The following PTPRS variants were observed in gnomAD, a reference collection of about 807,000 sequenced individuals.
PTPRS encodes the protein receptor-type tyrosine-protein phosphatase S.
In PTPRS, 63 loss-of-function variants were observed where a neutral mutation model predicts 215.3. That is an observed-to-expected ratio of 0.29 (90% confidence interval 0.24 to 0.36). The LOEUF (loss-of-function observed/expected upper bound fraction) is 0.36, where lower values mean the gene tolerates loss of function less well. Among genes scored for constraint, PTPRS ranks in the 10% least tolerant of loss-of-function variants. The probability of loss-of-function intolerance (pLI) is 1.00; values close to 1 mark genes in which losing one functional copy is unlikely to be tolerated. For synonymous variants in PTPRS, 1,404 were observed against 1,191.4 expected (o/e 1.18, Z -3.68); for missense variants, 2,258 against 2,825.8 (o/e 0.80, Z 4.56).
intron 1 of PTPRS, among the ~76,000 whole-genome samples, chr19:5,305,970 A>AAAAAAG (rs2049479386): frequency 2.1e-5 from 3 of 140,326 alleles, no homozygotes; most frequent in African/African-American, 5.1e-5. Flanking sequence ...AAAAAAAAAA[A>AAAAAAG]GGGCGAATTC....
chr19:5,272,043 G>C (rs2046955423), intron 4 of PTPRS, among the ~76,000 whole-genome samples: 1 of 152,032 alleles, frequency 6.6e-6, no homozygotes, highest in African/African-American at 2.4e-5. Flanking sequence ...TTAGAGATGA[G>C]AAAATTGCAG....
rs2147047459 is a variant in PTPRS at position 5,294,772 on chromosome 19, G to A, written c.-94-8538C>T. Reference sequence around the variant, plus strand: ...CCCATCTCCAACAATAGGTGGCCTAGTCCACAAAGCACCATGCACAGTAGG... The same window carrying A: ...CCCATCTCCAACAATAGGTGGCCTAATCCACAAAGCACCATGCACAGTAGG... On this transcript the variant is annotated intron_variant, in intron 1 of 37. Coordinates refer to ENST00000262963, the MANE Select transcript of PTPRS (RefSeq NM_002850.4). The surrounding 1 kb of genome is among the most constrained non-coding windows in gnomAD (Gnocchi z 5.1). The A allele has an allele frequency of 6.6e-6, 1 of 152,418 alleles. No individual in the cohort carries two copies. Among genetic ancestry groups the A allele is most frequent in the East Asian group, 1.9e-4 (1 of 5,184 alleles). 9.4% of individuals were successfully genotyped at this position (152,418 alleles called of 1,614,324 possible).
Position 5,219,838 on chromosome 19 carries a change from G to A in PTPRS, c.3765+101C>T, listed in dbSNP as rs2145299381. On this transcript the variant is annotated intron_variant, in intron 22 of 37. Coordinates refer to ENST00000262963, the MANE Select transcript of PTPRS (RefSeq NM_002850.4). ...CCCTCTGCCCAGCTCTGACCACAGGGAGCTGCCTGTGACTGACCACAGAGG... is the reference window on the plus strand; with the variant it reads ...CCCTCTGCCCAGCTCTGACCACAGGAAGCTGCCTGTGACTGACCACAGAGG... 4 of 1,312,618 alleles carry A rather than the reference G, an allele frequency of 3.0e-6. No individual in the cohort carries two copies. The South Asian group carries it at 4.1e-5, about 13-fold the overall frequency. The allele number at this position is 1,312,618 out of a possible 1,614,324, so 81.3% of individuals were successfully genotyped here.
intron 14 of PTPRS, among the ~76,000 whole-genome samples, chr19:5,230,223 C>T (rs992413570): frequency 6.6e-6 from 1 of 152,206 alleles, no homozygotes; most frequent in African/African-American, 2.4e-5. Context: ...CTTCTCTGGG[C>T]TTAGGACATA....
chr19:5,213,653 A>C (rs200715616), intron 30 of PTPRS, among the ~76,000 whole-genome samples: 3 of 90,570 alleles, frequency 3.3e-5, no homozygotes, highest in African/African-American at 1.0e-4. Context: ...TGCTTAATGT[A>C]TAACATATGC....
intron 26 of PTPRS, 22 bp downstream of exon 26, chr19:5,216,698 A>T (rs1335431268): frequency 6.5e-7 from 1 of 1,538,252 alleles, no homozygotes; most frequent in Admixed American, 1.9e-5. Context: ...AAAGGAAGCC[A>T]AAAACAGACA....
intron 26 of PTPRS, 63 bp from the exon 27 acceptor site, chr19:5,215,658 GA>G: frequency 8.7e-7 from 1 of 1,150,382 alleles, no homozygotes; most frequent in South Asian, 1.4e-5. Flanking sequence ...GGACTCGGGG[GA>G]GGGGGGTGAT....
Position 5,210,105 on chromosome 19 carries a change from C to G in PTPRS, c.5487+364G>C, listed in dbSNP as rs1417299119. On this transcript the variant is annotated intron_variant, in intron 35 of 37. Coordinates refer to ENST00000262963, the MANE Select transcript of PTPRS (RefSeq NM_002850.4). The surrounding 1 kb of genome is among the most constrained non-coding windows in gnomAD (Gnocchi z 4.5). ...ACCCAACGGTGCCAGTCCCCACCAT[C>G]TGACTCTCCTTGTCCACCGTCTACC... Among the ~76,000 whole-genome samples the G allele has an allele frequency of 1.3e-5, 2 of 152,196 alleles. No homozygotes were observed. Among genetic ancestry groups the G allele is most frequent in the African/African-American group, 4.8e-5 (2 of 41,450 alleles).
chr19:5,328,678 C>A (rs1025775042), intron 1 of PTPRS, among the ~76,000 whole-genome samples: 4 of 152,104 alleles, frequency 2.6e-5, no homozygotes, highest in African/African-American at 9.7e-5. Flanking sequence ...AGCTTTAATC[C>A]CAGCACTTTG....
rs534887935 is a variant in PTPRS at position 5,214,501 on chromosome 19, G to C, written c.4495-21C>G. The C allele has an allele frequency of 2.9e-4, 475 of 1,613,796 alleles. 7 individuals are homozygous for C. In the South Asian group the frequency reaches 4.4e-3, roughly 15 times the overall value. On this transcript the variant is annotated intron_variant, in intron 29 of 37. Coordinates refer to ENST00000262963, the MANE Select transcript of PTPRS (RefSeq NM_002850.4). ...TTGATCTGTATCGGGCAAGAGAACA[G>C]GTGTCAGCAGGGACAGGCTGACTGG...
intron 18 of PTPRS, among the ~76,000 whole-genome samples, 187 bp downstream of exon 18, chr19:5,222,502 C>T (rs1314562005): frequency 2.0e-5 from 3 of 149,132 alleles, no homozygotes; most frequent in Non-Finnish European, 4.5e-5. Flanking sequence ...TGGTGGGGGG[C>T]GGTGGTGCCA....
At chr19:5,281,998 C>G (rs996843943) in intron 2 of PTPRS, among the ~76,000 whole-genome samples, 3 of 152,142 alleles carry the variant, frequency 2.0e-5, no homozygotes, top group Admixed American at 1.3e-4. Flanking sequence ...ACTGCAGGCC[C>G]GGTCAGGAGT....
intron 14 of PTPRS, 53 bp downstream of exon 14, chr19:5,231,257 C>T (rs1159615929): frequency 2.5e-5 from 38 of 1,524,164 alleles, no homozygotes; most frequent in Middle Eastern, 2.2e-4. Flanking sequence ...GGCTTCGAGG[C>T]GGGGGCCGGG....
At chr19:5,279,377 TA>T in intron 2 of PTPRS, among the ~76,000 whole-genome samples, 1 of 151,978 alleles carries the variant, frequency 6.6e-6, no homozygotes, top group South Asian at 2.1e-4. Context: ...TTCTTCTTCT[TA>T]TTTTTTTTTA....
chr19:5,276,812 G>A (rs111333530), intron 2 of PTPRS, among the ~76,000 whole-genome samples: 22,384 of 152,170 alleles, frequency 0.15, 1,822 homozygotes, highest in Admixed American at 0.24. Flanking sequence ...AAAGTGCTGG[G>A]ATTACAGGCG....
rs1437325340 is a variant in PTPRS at position 5,265,089 on chromosome 19, C to T, written c.487G>A (p.Asp163Asn). ...TMLCAASGNP[D>N]PEITWFKDFL... ...TCCTTGAACCAGGTGATCTCAGGGT[C>T]AGGGTTGCCGCTGGCTGCACAGAGC... The change falls in exon 5 of 38, where the codon GAC becomes AAC. Residue 163 changes from aspartate (D) to asparagine (N), a missense_variant. This residue lies in a region of PTPRS where 508 missense variants were observed against 799.4 expected (regional missense o/e 0.64). Transcript: ENST00000262963. The T allele has an allele frequency of 1.2e-6, 2 of 1,614,096 alleles. No individual in the cohort carries two copies. The highest frequency in any genetic ancestry group is 1.3e-5 in the African/African-American group (1 of 74,936).
At chr19:5,225,903 C>A in intron 16 of PTPRS, 59 bp from the exon 17 acceptor site, 1 of 1,399,550 alleles carries the variant, frequency 7.1e-7, no homozygotes, top group Admixed American at 1.7e-5. Flanking sequence ...CCCACCCACC[C>A]CCACTCCCCG....
chr19:5,233,761 T>C (rs1235228144), intron 13 of PTPRS, among the ~76,000 whole-genome samples: 4 of 151,064 alleles, frequency 2.6e-5, no homozygotes, highest in Non-Finnish European at 4.4e-5. Context: ...CTAGCCAACA[T>C]GGTGAAACTC....
chr19:5,289,011 A>G (rs2048593284), intron 1 of PTPRS, among the ~76,000 whole-genome samples: 2 of 151,382 alleles, frequency 1.3e-5, no homozygotes, highest in Admixed American at 1.3e-4. Flanking sequence ...GGCTACAGTA[A>G]CAGGAGCATT....
Sources: gnomAD v4.1 joint callset for allele counts (sites outside exome capture counted in the v4.1 genomes callset) on GRCh38, gnomAD v4.1.1 for gene constraint, gnomAD v4.1.1 regional missense constraint, Gnocchi (gnomAD v3.1) non-coding constraint, MANE v1.5 for transcripts, NCBI Gene and HGNC (gene_info 2026-07-23, HGNC 2026-07-21) for gene names.